Variants in MTHFD2 observed in about 807,000 individuals in gnomAD.
MTHFD2 encodes methylenetetrahydrofolate dehydrogenase (NADP+ dependent) 2, methenyltetrahydrofolate cyclohydrolase.
MTHFD2 carries 26 observed loss-of-function variants against 36.8 expected under a neutral mutation model. The ratio of observed to expected loss-of-function variants is 0.71; its 90% confidence interval spans 0.52 to 0.98. The LOEUF is 0.98. Ranked by LOEUF, MTHFD2 falls within the 50% of genes least tolerant of loss-of-function variation. The probability of loss-of-function intolerance (pLI) is 0.00; values close to 1 mark genes in which losing one functional copy is unlikely to be tolerated. For missense variants in MTHFD2, 373 were observed against 434.0 expected (o/e 0.86, Z 1.25); for synonymous variants, 164 against 155.2 (o/e 1.06, Z -0.42).
chr2:74,207,153 G>A (rs931705617), intron 2 of MTHFD2, among the ~76,000 whole-genome samples: 7 of 151,804 alleles, frequency 4.6e-5, no homozygotes, highest in African/African-American at 1.7e-4. Context: ...TTTAGAGACG[G>A]AGTCTCGCTC....
At chr2:74,209,009 G>A (rs1694245578) in intron 4 of MTHFD2, among the ~76,000 whole-genome samples, 1 of 151,742 alleles carries the variant, frequency 6.6e-6, no homozygotes, top group South Asian at 2.1e-4. Context: ...GAGTAGCTGG[G>A]ATTACAGGCA....
At chr2:74,207,020 G>A (rs1003947859) in intron 2 of MTHFD2, among the ~76,000 whole-genome samples, 6 of 151,824 alleles carry the variant, frequency 4.0e-5, no homozygotes, top group Non-Finnish European at 7.4e-5. Flanking sequence ...GAGCCACTGT[G>A]CCTGGCCAAG....
rs192003900 is a variant in MTHFD2, at chr2:74,209,303, C to T, written c.562+582C>T. ...TGTTGCCCAGGCTGGAGTGCAGTGG[C>T]GTGATCTCGACTCACTGCAAGCTCC... On this transcript the variant is annotated intron_variant, in intron 4 of 7. Transcript: ENST00000394053. 5.6e-3 allele frequency among the ~76,000 whole-genome samples: 849 copies of T among 151,846 alleles called. 8 individuals are homozygous for T. Among genetic ancestry groups the T allele is most frequent in the African/African-American group, 0.018 (764 of 41,410 alleles).
intron 1 of MTHFD2, among the ~76,000 whole-genome samples, chr2:74,199,689 C>T (rs1693997107): frequency 7.4e-6 from 1 of 135,534 alleles, no homozygotes; most frequent in Non-Finnish European, 1.5e-5. Context: ...GTCTGGGCGA[C>T]AGAGCGAGAC....
chr2:74,205,286 T>A (rs1694151631), intron 1 of MTHFD2, among the ~76,000 whole-genome samples: 1 of 152,162 alleles, frequency 6.6e-6, no homozygotes, highest in Admixed American at 6.5e-5. Flanking sequence ...GAAAAACTAT[T>A]TAACCTCATG....
intron 2 of MTHFD2, among the ~76,000 whole-genome samples, chr2:74,207,301 T>C (rs562727017): frequency 2.6e-5 from 4 of 152,152 alleles, no homozygotes; most frequent in Non-Finnish European, 5.9e-5. Flanking sequence ...GCTAATTTTT[T>C]GTATTTTTAG....
At chr2:74,213,873 G>C (rs377342876) in intron 7 of MTHFD2, among the ~76,000 whole-genome samples, 58 of 152,202 alleles carry the variant, frequency 3.8e-4, no homozygotes, top group African/African-American at 1.3e-3. Context: ...AGGTTACTTA[G>C]ATGTATAAAT....
intron 2 of MTHFD2, among the ~76,000 whole-genome samples, chr2:74,207,359 ACCTCGTGATCCGCTGGCCTTGG>A (rs1694208068): frequency 6.8e-6 from 1 of 147,912 alleles, no homozygotes; most frequent in Admixed American, 6.8e-5. Flanking sequence ...CCATCTCCTG[ACCTCGTGATCCGCTGGCCTTGG>A]CCTCCCAAAG....
chr2:74,203,781 A>G (rs1390507974), intron 1 of MTHFD2, among the ~76,000 whole-genome samples: 1 of 152,186 alleles, frequency 6.6e-6, no homozygotes, highest in African/African-American at 2.4e-5. Context: ...CACCAAGGAC[A>G]GAGATCTAAA....
rs1418607677 is a variant in MTHFD2 at position 74,205,800 on chromosome 2, A to G, written c.197A>G (p.Lys66Arg). The change falls in exon 2 of 8, where the codon AAA (lysine) becomes AGA (arginine). Residue 66 changes from lysine (K) to arginine (R), a missense_variant. Transcript: ENST00000394053. ...GAAGAGTGGGTGGCCTCAGGCAACA[A>G]ACGGCCACACCTGAGTGTGATCCTG... ...EVEEWVASGN[K>R]RPHLSVILVG... 6.2e-7 allele frequency: 1 copy of G among 1,613,744 alleles called. No homozygotes were observed. Among genetic ancestry groups the G allele is most frequent in the East Asian group, 2.2e-5 (1 of 44,818 alleles).
intron 1 of MTHFD2, among the ~76,000 whole-genome samples, 185 bp from the exon 2 acceptor site, chr2:74,205,520 A>C (rs556767047): frequency 1.3e-5 from 2 of 151,998 alleles, no homozygotes; most frequent in African/African-American, 4.8e-5. Context: ...TTATTTATTT[A>C]TTTAGCAGAG....
Position 74,215,440 on chromosome 2 carries a change from T to G in MTHFD2, c.*1198T>G, listed in dbSNP as rs1237482410. The G allele has an allele frequency of 2.3e-4, 35 of 149,816 alleles. No homozygotes were observed. Among genetic ancestry groups the G allele is most frequent in the African/African-American group, 8.2e-4 (33 of 40,340 alleles). The allele number at this position is 149,816 out of a possible 1,614,324, so 9.3% of individuals were successfully genotyped here. On this transcript the variant is annotated 3_prime_UTR_variant, in exon 8 of 8. Transcript: ENST00000394053. ...TTTCTTCTATTTTTTTTTTTTTTTT[T>G]GTAGAGATGGGGTCTTGCTATGTTG...
At position 74,198,677 on chromosome 2, in the gene MTHFD2, C is replaced by G; in HGVS notation, c.36C>G (p.Ala12=). Residue 12 remains alanine (A), a synonymous_variant, in exon 1 of 8, where the codon GCC becomes GCG. Transcript: ENST00000394053. The part of the protein sequence containing the change: ...AATSLMSALA[A]RLLQPAHSCS... ...CTTCTCTAATGTCTGCTTTGGCTGCCCGGCTGCTGCAGCCCGCGCACAGCT... is the reference window on the plus strand; with the variant it reads ...CTTCTCTAATGTCTGCTTTGGCTGCGCGGCTGCTGCAGCCCGCGCACAGCT... 1.2e-6 allele frequency: 2 copies of G among 1,611,288 alleles called. No individual in the cohort carries two copies. The highest frequency in any genetic ancestry group is 1.7e-6 in the Non-Finnish European group (2 of 1,178,966).
At chr2:74,208,494 A>G in intron 3 of MTHFD2, 75 bp from the exon 4 acceptor site, 1 of 1,494,754 alleles carries the variant, frequency 6.7e-7, no homozygotes, top group Non-Finnish European at 9.1e-7. Context: ...TTCCTTGCGA[A>G]GCAGATAAGC....
chr2:74,203,906 G>GTTTAGTTTAGTTAGTTTAGT (rs369717981), intron 1 of MTHFD2, among the ~76,000 whole-genome samples: 1 of 29,518 alleles, frequency 3.4e-5, no homozygotes, highest in East Asian at 8.8e-4. Flanking sequence ...GTTTAGTTTA[G>GTTTAGTTTAGTTAGTTTAGT]TTAGTTTAGT....
intron 7 of MTHFD2, among the ~76,000 whole-genome samples, chr2:74,213,345 C>T (rs1694353449): frequency 7.5e-6 from 1 of 133,858 alleles, no homozygotes; most frequent in Non-Finnish European, 1.5e-5. Flanking sequence ...GGCAGGATCT[C>T]AGCTTACTGC....
intron 2 of MTHFD2, 145 bp from the exon 3 acceptor site, chr2:74,207,559 T>C (rs1694212032): frequency 8.9e-6 from 6 of 671,446 alleles, no homozygotes; most frequent in Non-Finnish European, 1.5e-5. Flanking sequence ...GTGAAGTTAC[T>C]TTTTTAGGTT....
chr2:74,214,198 C>T lies in MTHFD2; in HGVS notation c.1009C>T (p.Arg337Ter), dbSNP rs1324949318. 8 of 1,614,030 alleles carry T rather than the reference C, an allele frequency of 5.0e-6. No individual in the cohort carries two copies. Among genetic ancestry groups the T allele is most frequent in the Non-Finnish European group, 6.8e-6 (8 of 1,179,932 alleles). The change falls in exon 8 of 8, where the codon CGA (arginine) becomes TGA (stop). Residue 337 changes from arginine to a stop codon, truncating the protein, a stop_gained. Coordinates refer to ENST00000394053, the MANE Select transcript of MTHFD2 (RefSeq NM_006636.4). LOFTEE classifies it high-confidence loss of function. ...AAKKVLRLEE[R>*]EVLKSKELGV... ...AAAAAAGGTGCTGAGGCTTGAAGAG[C>T]GAGAAGTGCTGAAGTCTAAAGAGCT...
At chr2:74,209,651 C>CTAA (rs1694262098) in intron 4 of MTHFD2, among the ~76,000 whole-genome samples, 2 of 151,946 alleles carry the variant, frequency 1.3e-5, no homozygotes, top group African/African-American at 4.8e-5. Context: ...CCTACCTTAG[C>CTAA]CTCCCTGGCC....
Sources: allele counts gnomAD v4.1 joint callset (sites outside exome capture counted in the v4.1 genomes callset), GRCh38; gene constraint gnomAD v4.1.1; transcripts MANE v1.5; gene names NCBI Gene and HGNC (gene_info 2026-07-23, HGNC 2026-07-21).